Variants in RIF1 observed in about 807,000 individuals in gnomAD.
RIF1 encodes telomere-associated protein RIF1.
RIF1 carries 45 observed loss-of-function variants against 247.1 expected under a neutral mutation model. That is an observed-to-expected ratio of 0.18 (90% CI 0.14 to 0.23). The LOEUF is 0.23. RIF1 is among the 10% of genes least tolerant of loss of function. The pLI, the probability that RIF1 is intolerant of heterozygous loss-of-function variation, is 1.00. For missense variants in RIF1, 2,967 were observed against 2,862.5 expected (o/e 1.04, Z -0.83); for synonymous variants, 1,087 against 978.8 (o/e 1.11, Z -2.06).
At chr2:151,445,271 TTA>T in intron 18 of RIF1, 65 bp from the exon 19 acceptor site, 3 of 926,816 alleles carry the variant, frequency 3.2e-6, no homozygotes, top group Admixed American at 1.8e-5. Context: ...TATAAATAAG[TTA>T]TGTTACTACT....
rs917675943 is a variant in RIF1, at chr2:151,478,011, T to A, written c.*2940T>A. 6.6e-6 allele frequency: 1 copy of A among 152,212 alleles called. No homozygotes were observed. Among genetic ancestry groups the A allele is most frequent in the Non-Finnish European group, 1.5e-5 (1 of 68,042 alleles). The allele number at this position is 152,212 out of a possible 1,614,324, so 9.4% of individuals were successfully genotyped here. ...GGCGTGAGCCACCGCTCCTGGCCCATCATTTCCATATCTATGAAATCTATT... is the reference window on the plus strand; with the variant it reads ...GGCGTGAGCCACCGCTCCTGGCCCAACATTTCCATATCTATGAAATCTATT... On this transcript the variant is annotated 3_prime_UTR_variant, in exon 36 of 36. Coordinates refer to ENST00000444746, the MANE Select transcript of RIF1 (RefSeq NM_018151.5).
At chr2:151,423,993 A>G (rs993959566) in intron 8 of RIF1, among the ~76,000 whole-genome samples, 17 of 152,148 alleles carry the variant, frequency 1.1e-4, no homozygotes, top group Admixed American at 9.8e-4. Context: ...ACCCTTTGGT[A>G]ATGTCTGTTC....
At chr2:151,523,107 A>C in the RIF1 span, among the ~76,000 whole-genome samples, 1 of 152,232 alleles carries the variant, frequency 6.6e-6, no homozygotes, top group Non-Finnish European at 1.5e-5. Context: ...GACCTTGTAC[A>C]TTTAAAAACA....
At chr2:151,454,803 C>A in intron 21 of RIF1, 92 bp from the exon 22 acceptor site, 1 of 910,854 alleles carries the variant, frequency 1.1e-6, no homozygotes, top group Non-Finnish European at 1.6e-6. Context: ...ATGTATCTAA[C>A]ATTTAAATGT....
At chr2:151,495,756 A>G (rs1190041461) in intron 10 of RIF1, among the ~76,000 whole-genome samples, 2 of 152,208 alleles carry the variant, frequency 1.3e-5, no homozygotes, top group African/African-American at 4.8e-5. Context: ...TAAATTGATA[A>G]TCAATAATTG....
chr2:151,442,933 G>A (rs988051477), intron 16 of RIF1, among the ~76,000 whole-genome samples: 7 of 151,724 alleles, frequency 4.6e-5, no homozygotes, highest in East Asian at 1.9e-4. Context: ...CACCCTGCCC[G>A]GCTAGTTTTT....
chr2:151,434,085 T>C (rs2152320791), intron 10 of RIF1, among the ~76,000 whole-genome samples: 1 of 151,548 alleles, frequency 6.6e-6, no homozygotes, highest in Middle Eastern at 3.4e-3. Context: ...GGAGAATTGC[T>C]TGAACCCAGG....
At chr2:151,439,995 AGAACT>A in intron 14 of RIF1, 27 bp from the exon 15 acceptor site, 5 of 830,882 alleles carry the variant, frequency 6.0e-6, no homozygotes, top group Non-Finnish European at 9.6e-6. Context: ...AAAAAAAAAA[AGAACT>A]ATACCCTTCT....
chr2:151,458,247 T>A (rs1039824014), intron 24 of RIF1, among the ~76,000 whole-genome samples: 1 of 148,062 alleles, frequency 6.8e-6, no homozygotes, highest in African/African-American at 2.5e-5. Context: ...TTTTTTTTTT[T>A]TTTGAGATAG....
At chr2:151,458,227 T>TA (rs1491419930) in intron 24 of RIF1, among the ~76,000 whole-genome samples, 430 of 30,484 alleles carry the variant, frequency 0.014, 3 homozygotes, top group African/African-American at 0.023. Context: ...AAATAGATGA[T>TA]TTTTTTTTTT....
chr2:151,441,358 G>A (rs1417104549), intron 15 of RIF1, among the ~76,000 whole-genome samples: 1 of 152,214 alleles, frequency 6.6e-6, no homozygotes, highest in East Asian at 1.9e-4. Flanking sequence ...ATTAATTGCA[G>A]AATTTCTATT....
intron 8 of RIF1, chr2:151,423,487 C>G (rs557548153): frequency 6.4e-6 from 1 of 156,592 alleles, no homozygotes; most frequent in East Asian, 1.9e-4. Context: ...GTGATATACC[C>G]AATGGTGAAA....
At chr2:151,450,470 C>T (rs901962132) in intron 20 of RIF1, among the ~76,000 whole-genome samples, 1 of 152,118 alleles carries the variant, frequency 6.6e-6, no homozygotes, top group Admixed American at 6.5e-5. Context: ...CTGATGTTTT[C>T]ATTGTAATGT....
intron 20 of RIF1, among the ~76,000 whole-genome samples, chr2:151,449,770 T>C (rs1014133989): frequency 6.6e-6 from 1 of 152,190 alleles, no homozygotes; most frequent in African/African-American, 2.4e-5. Flanking sequence ...GGTTTTGTTT[T>C]AAAGCTTTTT....
At chr2:151,410,968 C>T (rs1262633102) in intron 2 of RIF1, among the ~76,000 whole-genome samples, 2 of 152,078 alleles carry the variant, frequency 1.3e-5, no homozygotes, top group Non-Finnish European at 2.9e-5. Flanking sequence ...TTTGGAAAGG[C>T]TTAGCAAATC....
intron 10 of RIF1, 130 bp downstream of exon 10, chr2:151,433,358 C>T (rs994698242): frequency 3.7e-6 from 2 of 545,460 alleles, no homozygotes; most frequent in African/African-American, 1.9e-5. Flanking sequence ...AGGTCTTTCA[C>T]TTTACTGGCA....
At chr2:151,459,219 C>G (rs1695725009) in intron 25 of RIF1, among the ~76,000 whole-genome samples, 1 of 152,098 alleles carries the variant, frequency 6.6e-6, no homozygotes, top group Admixed American at 6.5e-5. Flanking sequence ...ATATCTAAGC[C>G]AGAGCTGCTG....
rs936249021 is a variant in RIF1 at position 151,421,434 on chromosome 2, C to T, written c.693+1055C>T. ...AATGGTTGTGTACCTGGTTGGTGTTCTGGGAACTCTGGGCAGTATGACAGT... is the reference window on the plus strand; with the variant it reads ...AATGGTTGTGTACCTGGTTGGTGTTTTGGGAACTCTGGGCAGTATGACAGT... On this transcript the variant is annotated intron_variant, in intron 7 of 35. Transcript: ENST00000444746. Among the ~76,000 whole-genome samples the T allele has an allele frequency of 2.6e-5, 4 of 152,264 alleles. No individual in the cohort carries two copies. The South Asian group carries it at 8.3e-4, about 32-fold the overall frequency.
chr2:151,464,400 C>A lies in RIF1; in HGVS notation c.4880C>A (p.Thr1627Asn), dbSNP rs762254947. The change falls in exon 30 of 36, where the codon ACT becomes AAT. Residue 1627 changes from threonine (T) to asparagine (N), a missense_variant. By Grantham distance (65) the Thr-to-Asn change is moderately conservative (BLOSUM62 0). Coordinates refer to ENST00000444746, the MANE Select transcript of RIF1 (RefSeq NM_018151.5). ...PICEKQDESNTVICQDSTVTS... is the reference protein window; with the variant it reads ...PICEKQDESNNVICQDSTVTS... ...TGCGAAAAACAAGATGAAAGTAATA[C>A]TGTAATATGTCAGGATTCTACAGTA... 1 of 1,612,990 alleles carries A rather than the reference C, an allele frequency of 6.2e-7. No individual in the cohort carries two copies. Among genetic ancestry groups the A allele is most frequent in the African/African-American group, 1.3e-5 (1 of 75,022 alleles).
Sources: allele counts gnomAD v4.1 joint callset (sites outside exome capture counted in the v4.1 genomes callset), GRCh38; gene constraint gnomAD v4.1.1; transcripts MANE v1.5; gene names NCBI Gene and HGNC (gene_info 2026-07-23, HGNC 2026-07-21).